The following ZNF512 variants were observed in gnomAD, a reference collection of about 807,000 sequenced individuals.
ZNF512 encodes the protein zinc finger protein 512.
Under a neutral mutation model 77.5 loss-of-function variants are expected in ZNF512, and 25 were observed. The observed-to-expected ratio is 0.32, with a 90% CI of 0.23 to 0.45. ZNF512 has a LOEUF of 0.45. Among genes scored for constraint, ZNF512 ranks in the 20% least tolerant of loss-of-function variants. ZNF512 has a pLI of 1.00. For missense variants in ZNF512, 483 were observed against 692.6 expected (o/e 0.70, Z 3.40); for synonymous variants, 246 against 239.9 (o/e 1.03, Z -0.24).
chr2:27,604,272 G>A (rs1260502752), intron 9 of ZNF512, among the ~76,000 whole-genome samples: 1 of 152,150 alleles, frequency 6.6e-6, no homozygotes, highest in African/African-American at 2.4e-5. Context: ...CATAGCTAGA[G>A]CTTTTATGGG....
chr2:27,600,129 A>C, intron 5 of ZNF512, 76 bp downstream of exon 5: 1 of 1,486,090 alleles, frequency 6.7e-7, no homozygotes. Flanking sequence ...CTGTGAAGGA[A>C]TGAGGTACTA....
intron 10 of ZNF512, among the ~76,000 whole-genome samples, chr2:27,609,300 A>AT (rs1027682121): frequency 7.9e-5 from 12 of 151,944 alleles, no homozygotes; most frequent in African/African-American, 2.4e-4. Flanking sequence ...TTATTTCTAC[A>AT]TTTTTTTTGC....
chr2:27,621,420 G>T lies in ZNF512; in HGVS notation c.1663G>T (p.Val555Leu). Residue 555 changes from valine to leucine, a missense_variant, in exon 14 of 14, where the codon GTA (valine) becomes TTA (leucine). By Grantham distance (32) the Val-to-Leu change is conservative. This residue lies in a region of ZNF512 where 324 missense variants were observed against 525.0 expected (regional missense o/e 0.62). Coordinates refer to ENST00000355467, the MANE Select transcript of ZNF512 (RefSeq NM_032434.4). ...QEPVPAQFQK[V>L]KPPKTNHKRG... ...GCCAGTGCCAGCACAGTTCCAGAAAGTAAAGCCCCCAAAGACTAATCATAA... is the reference window on the plus strand; with the variant it reads ...GCCAGTGCCAGCACAGTTCCAGAAATTAAAGCCCCCAAAGACTAATCATAA... 6.2e-7 allele frequency: 1 copy of T among 1,613,496 alleles called. No individual in the cohort carries two copies.
intron 10 of ZNF512, among the ~76,000 whole-genome samples, chr2:27,611,623 T>C (rs897543500): frequency 1.3e-5 from 2 of 152,138 alleles, no homozygotes; most frequent in African/African-American, 4.8e-5. Flanking sequence ...GGAGATGGAA[T>C]ATGCACATAT....
At chr2:27,600,847 G>A (rs1249037117) in intron 6 of ZNF512, 32 bp downstream of exon 6, 5 of 1,597,726 alleles carry the variant, frequency 3.1e-6, no homozygotes, top group Middle Eastern at 1.7e-4. Flanking sequence ...TAACTGTTAC[G>A]ATATTTTTAC....
intron 11 of ZNF512, among the ~76,000 whole-genome samples, 176 bp from the exon 12 acceptor site, chr2:27,616,086 T>G (rs2148044480): frequency 6.6e-6 from 1 of 152,384 alleles, no homozygotes; most frequent in South Asian, 2.1e-4. Flanking sequence ...TCTTTTTACC[T>G]TTCCTTGGCT....
chr2:27,602,325 C>A, intron 7 of ZNF512, 138 bp from the exon 8 acceptor site: 2 of 692,462 alleles, frequency 2.9e-6, no homozygotes, highest in African/African-American at 1.8e-5. Context: ...ATGGAGAACA[C>A]CAGGAGTCAG....
chr2:27,609,526 G>C (rs1343050705), intron 10 of ZNF512, among the ~76,000 whole-genome samples: 1 of 151,798 alleles, frequency 6.6e-6, no homozygotes, highest in Non-Finnish European at 1.5e-5. Flanking sequence ...TCAGGAGTTC[G>C]AGACCAGCCT....
chr2:27,619,925 G>A (rs1478718969), intron 13 of ZNF512, among the ~76,000 whole-genome samples: 1 of 151,988 alleles, frequency 6.6e-6, no homozygotes, highest in Non-Finnish European at 1.5e-5. Flanking sequence ...ATTATCATAT[G>A]TCTAGTTATT....
At chr2:27,613,512 T>TTA (rs1047218191) in intron 10 of ZNF512, among the ~76,000 whole-genome samples, 79 of 151,310 alleles carry the variant, frequency 5.2e-4, no homozygotes, top group African/African-American at 1.2e-3. Flanking sequence ...AAAAAAAAAT[T>TTA]TATATATATA....
At position 27,600,723 on chromosome 2, in the gene ZNF512, G is replaced by T; in HGVS notation, c.490G>T (p.Val164Phe). ...GGAGGAGCAATGGTACTTAGAAATC[G>T]TTGATAAAGGCAGTGTCTCCTGCCC... ...SLEEQWYLEIVDKGSVSCPTC... is the reference protein window; with the variant it reads ...SLEEQWYLEIFDKGSVSCPTC... The change falls in exon 6 of 14, where the codon GTT (valine) becomes TTT (phenylalanine). Residue 164 changes from valine to phenylalanine, a missense_variant. By Grantham distance (50) the Val-to-Phe change is conservative. This residue lies in a region of ZNF512 where 324 missense variants were observed against 525.0 expected (regional missense o/e 0.62). Coordinates refer to ENST00000355467, the MANE Select transcript of ZNF512 (RefSeq NM_032434.4). The T allele has an allele frequency of 6.2e-7, 1 of 1,613,908 alleles. No individual in the cohort carries two copies. Among genetic ancestry groups the T allele is most frequent in the Non-Finnish European group, 8.5e-7 (1 of 1,179,878 alleles).
intron 11 of ZNF512, 136 bp from the exon 12 acceptor site, chr2:27,616,126 C>A: frequency 1.7e-6 from 1 of 580,128 alleles, no homozygotes; most frequent in Non-Finnish European, 3.0e-6. Flanking sequence ...CATGTATATT[C>A]TTTTTTCGTT....
At chr2:27,589,032 A>G (rs1194513391) in intron 2 of ZNF512, among the ~76,000 whole-genome samples, 1 of 152,226 alleles carries the variant, frequency 6.6e-6, no homozygotes, top group African/African-American at 2.4e-5. Context: ...TTGCTAGTAT[A>G]TAAGTATTCA....
At chr2:27,609,115 A>T (rs1465902932) in intron 10 of ZNF512, among the ~76,000 whole-genome samples, 4 of 151,666 alleles carry the variant, frequency 2.6e-5, no homozygotes, top group African/African-American at 9.7e-5. Context: ...TCTCCAAAAA[A>T]AAAAAAAAGG....
intron 7 of ZNF512, among the ~76,000 whole-genome samples, chr2:27,601,935 C>T (rs1672131898): frequency 6.6e-6 from 1 of 152,230 alleles, no homozygotes; most frequent in Non-Finnish European, 1.5e-5. Context: ...AGGCGTGAGC[C>T]ATCGCGCCCA....
chr2:27,617,402 A>G (rs1672928478), intron 12 of ZNF512, 71 bp from the exon 13 acceptor site: 2 of 755,902 alleles, frequency 2.6e-6, no homozygotes, highest in South Asian at 2.8e-5. Context: ...ATCTCTAACA[A>G]TCCCTACACA....
In ZNF512 at chr2:27,602,434, T is replaced by A. The variant is rs187458807; in HGVS notation, c.670-29T>A. The A allele has an allele frequency of 6.4e-3, 10,154 of 1,598,172 alleles. 45 individuals carry two copies. Among genetic ancestry groups the A allele is most frequent in the Non-Finnish European group, 7.6e-3 (8,926 of 1,170,224 alleles). On this transcript the variant is annotated intron_variant, in intron 7 of 13. Coordinates refer to ENST00000355467, the MANE Select transcript of ZNF512 (RefSeq NM_032434.4). ...TGTGTCTTATCTTTTCCATGAATCA[T>A]CTTCTTGTTTACTTCTCTTGATTTC...
Position 27,583,086 on chromosome 2 carries a change from G to GA in ZNF512, c.-24dup. The GA allele has an allele frequency of 6.2e-7, 1 of 1,614,114 alleles. No individual in the cohort carries two copies. The highest frequency in any genetic ancestry group is 8.5e-7 in the Non-Finnish European group (1 of 1,180,012). On this transcript the variant is annotated 5_prime_UTR_variant, in exon 1 of 14. Coordinates refer to ENST00000355467, the MANE Select transcript of ZNF512 (RefSeq NM_032434.4). ...GTTGGTCTGGCCGGAGCCCTTGGGT[G>GA]AAATTGTTAGGCGTGGAGAGGGAGT...
chr2:27,612,837 C>G (rs1672723595), intron 10 of ZNF512, among the ~76,000 whole-genome samples: 1 of 152,154 alleles, frequency 6.6e-6, no homozygotes, highest in East Asian at 1.9e-4. Flanking sequence ...CTGCCCCCAT[C>G]ATTGTGTCAT....
Sources: allele counts gnomAD v4.1 joint callset (sites outside exome capture counted in the v4.1 genomes callset), GRCh38; gene constraint gnomAD v4.1.1; regional missense constraint gnomAD v4.1.1; transcripts MANE v1.5; gene names NCBI Gene and HGNC (gene_info 2026-07-23, HGNC 2026-07-21).